Variants in ZNF407 observed in about 807,000 individuals in gnomAD.
ZNF407 encodes the protein zinc finger protein 407.
In ZNF407, 17 loss-of-function variants were observed where a neutral mutation model predicts 131.2. The observed-to-expected ratio is 0.13, with a 90% CI of 0.09 to 0.19. ZNF407 has a LOEUF of 0.19. Ranked by LOEUF, ZNF407 falls within the 10% of genes least tolerant of loss-of-function variation. The probability of loss-of-function intolerance (pLI) is 1.00; values close to 1 mark genes in which losing one functional copy is unlikely to be tolerated. For missense variants in ZNF407, 2,681 were observed against 2,830.6 expected (o/e 0.95, Z 1.20); for synonymous variants, 1,156 against 1,062.0 (o/e 1.09, Z -1.72).
At chr18:74,938,590 T>G (rs1481713652) in intron 8 of ZNF407, among the ~76,000 whole-genome samples, 1 of 152,216 alleles carries the variant, frequency 6.6e-6, no homozygotes, top group East Asian at 1.9e-4. Context: ...GCTGTCCCAT[T>G]TATCCTTAGT....
Position 74,634,812 on chromosome 18 carries a change from C to T in ZNF407, c.3793C>T (p.Leu1265Phe), listed in dbSNP as rs1485992270. Residue 1265 changes from leucine to phenylalanine, a missense_variant, in exon 2 of 9, where the codon CTC becomes TTC. By Grantham distance (22) the Leu-to-Phe change is conservative. Coordinates refer to ENST00000299687, the MANE Select transcript of ZNF407 (RefSeq NM_017757.3). The stretch of plus-strand genomic sequence containing the variant: ...GGAGCGCTCGGCTGAAAGCCCTGTG[C>T]TCGTTGTGACAAGAATAACCAGAGA... ...DGERSAESPV[L>F]VVTRITREQG... is the part of the protein sequence containing the mutation. 1.2e-6 allele frequency: 2 copies of T among 1,613,982 alleles called. No homozygotes were observed. Among genetic ancestry groups the T allele is most frequent in the Non-Finnish European group, 1.7e-6 (2 of 1,179,896 alleles).
chr18:74,967,860 T>C (rs186825599), intron 8 of ZNF407, among the ~76,000 whole-genome samples: 43 of 152,324 alleles, frequency 2.8e-4, no homozygotes, highest in Admixed American at 2.5e-3. Context: ...AATTATAATT[T>C]GGTATTCTTT....
At chr18:74,968,192 T>C (rs1371192012) in intron 8 of ZNF407, among the ~76,000 whole-genome samples, 2 of 152,216 alleles carry the variant, frequency 1.3e-5, no homozygotes, top group Non-Finnish European at 2.9e-5. Flanking sequence ...GCTTTAGGTA[T>C]TAGCATATAC....
rs1332705990 is a variant in ZNF407, at chr18:75,064,301, G to A, written c.6580G>A (p.Ala2194Thr). The A allele has an allele frequency of 3.7e-6, 6 of 1,602,674 alleles. No homozygotes were observed. Among genetic ancestry groups the A allele is most frequent in the Non-Finnish European group, 5.1e-6 (6 of 1,175,552 alleles). ...GLYSHTVLETADSQELLQAGA... is the reference protein window; with the variant it reads ...GLYSHTVLETTDSQELLQAGA... ...GTACTCCCACACCGTGCTGGAGACT[G>A]CGGACTCGCAGGAACTCCTGCAGGC... The change falls in exon 9 of 9, where the codon GCG becomes ACG. Residue 2194 changes from alanine (A) to threonine (T), a missense_variant. By Grantham distance (58) the Ala-to-Thr change is moderately conservative. This residue lies in a region of ZNF407 where 620 missense variants were observed against 583.1 expected (regional missense o/e 1.06). Transcript: ENST00000299687.
At chr18:74,921,868 G>A (rs561372750) in intron 8 of ZNF407, among the ~76,000 whole-genome samples, 2 of 152,140 alleles carry the variant, frequency 1.3e-5, no homozygotes, top group Admixed American at 6.5e-5. Context: ...ATGTTTGTTC[G>A]CAAAATATCT....
At position 74,741,388 on chromosome 18, in the gene ZNF407, A is replaced by G. The variant is rs76664471; in HGVS notation, c.4803-40040A>G. On this transcript the variant is annotated intron_variant, in intron 3 of 8. Transcript: ENST00000299687. ...CATATACATATACATAAGTAAATAC[A>G]TGCATACAAATAATTTGGATAATCA... Among the ~76,000 whole-genome samples the G allele has an allele frequency of 6.3e-3, 964 of 152,270 alleles. 7 individuals carry two copies. The highest frequency in any genetic ancestry group is 0.022 in the African/African-American group (912 of 41,558).
chr18:74,713,683 A>G (rs1402447679), intron 3 of ZNF407, among the ~76,000 whole-genome samples: 2 of 152,154 alleles, frequency 1.3e-5, no homozygotes, highest in African/African-American at 2.4e-5. Flanking sequence ...AAACTATAAT[A>G]TCTCCCAAAT....
intron 4 of ZNF407, among the ~76,000 whole-genome samples, chr18:74,782,051 A>G (rs1969613129): frequency 6.6e-6 from 1 of 152,182 alleles, no homozygotes; most frequent in African/African-American, 2.4e-5. Context: ...GCTTCATCGC[A>G]TAGACTTAAT....
chr18:75,019,161 G>T (rs1212651863), intron 8 of ZNF407, among the ~76,000 whole-genome samples: 1 of 152,052 alleles, frequency 6.6e-6, no homozygotes, highest in Non-Finnish European at 1.5e-5. Context: ...AAAAATGGAA[G>T]AAAATCAGTA....
At chr18:74,792,781 A>G (rs774446113) in intron 4 of ZNF407, among the ~76,000 whole-genome samples, 6 of 152,122 alleles carry the variant, frequency 3.9e-5, no homozygotes, top group Non-Finnish European at 7.4e-5. Flanking sequence ...GAAACGAAAA[A>G]CAATTTTAAA....
intron 7 of ZNF407, among the ~76,000 whole-genome samples, chr18:74,900,500 C>G (rs938155404): frequency 1.3e-5 from 2 of 152,214 alleles, no homozygotes; most frequent in African/African-American, 4.8e-5. Flanking sequence ...CTTGTGTTGA[C>G]TGTGTTTCAC....
Position 74,715,430 on chromosome 18 carries a change from C to A in ZNF407, c.4803-65998C>A, listed in dbSNP as rs561498694. Among the ~76,000 whole-genome samples, 242 of 152,252 alleles carry A rather than the reference C, an allele frequency of 1.6e-3. 1 individual carries two copies. Among genetic ancestry groups the A allele is most frequent in the African/African-American group, 4.3e-3 (179 of 41,536 alleles). On this transcript the variant is annotated intron_variant, in intron 3 of 8. Transcript: ENST00000299687. ...CTTTTGCTCAAGAAAGTCATGCAGC[C>A]AGTGGAAATGTGATGCAGTGCGAGC...
At position 74,621,089 on chromosome 18, in the gene ZNF407, G is replaced by C. The variant is rs1320165971; in HGVS notation, c.-53-9878G>C. Among the ~76,000 whole-genome samples, 4 of 104,812 alleles carry C rather than the reference G, an allele frequency of 3.8e-5. No homozygotes were observed. In the East Asian group the frequency reaches 1.1e-3, roughly 30 times the overall value. 68.8% of individuals were successfully genotyped at this position (104,812 alleles called of 152,430 possible). A position where few individuals can be genotyped will look rare whatever the true frequency, so the allele number is the denominator to read the frequency against. ...CCATATAAATCTAAATTTAAAACTC[G>C]CTCTACTGTATCTCTTTATTATTAT... On this transcript the variant is annotated intron_variant, in intron 1 of 8. Transcript: ENST00000299687.
At chr18:74,997,655 GT>G (rs1338787338) in intron 8 of ZNF407, among the ~76,000 whole-genome samples, 4 of 152,068 alleles carry the variant, frequency 2.6e-5, no homozygotes, top group African/African-American at 9.7e-5. Flanking sequence ...GGACAGAGCT[GT>G]TTCCTTCAGA....
At chr18:74,887,404 G>A (rs1054587764) in intron 6 of ZNF407, among the ~76,000 whole-genome samples, 19 of 151,864 alleles carry the variant, frequency 1.3e-4, no homozygotes, top group African/African-American at 4.6e-4. Flanking sequence ...GGCTAAAAGA[G>A]ACAAAAATCC....
At chr18:74,848,193 C>G (rs1970728862) in intron 4 of ZNF407, among the ~76,000 whole-genome samples, 1 of 152,122 alleles carries the variant, frequency 6.6e-6, no homozygotes. Context: ...TAAACTACAG[C>G]TTAATAATGA....
chr18:74,750,527 G>A (rs1968776288), intron 3 of ZNF407, among the ~76,000 whole-genome samples: 2 of 152,114 alleles, frequency 1.3e-5, no homozygotes. Context: ...ATTCATTCAT[G>A]TCATAGCATG....
At chr18:74,998,039 T>G (rs1360791841) in intron 8 of ZNF407, among the ~76,000 whole-genome samples, 1 of 152,162 alleles carries the variant, frequency 6.6e-6, no homozygotes, top group Non-Finnish European at 1.5e-5. Context: ...GTGATGTTCC[T>G]CATCTCCAAG....
At chr18:74,753,735 T>C (rs1968861507) in intron 3 of ZNF407, among the ~76,000 whole-genome samples, 1 of 152,220 alleles carries the variant, frequency 6.6e-6, no homozygotes, top group Admixed American at 6.5e-5. Context: ...CTTTTTGATA[T>C]GCTGCTGGAT....
Sources: allele counts gnomAD v4.1 joint callset (sites outside exome capture counted in the v4.1 genomes callset), GRCh38; gene constraint gnomAD v4.1.1; regional missense constraint gnomAD v4.1.1; transcripts MANE v1.5; gene names NCBI Gene and HGNC (gene_info 2026-07-23, HGNC 2026-07-21).